ERBB4: variants seen among roughly 807,000 people sequenced by gnomAD.
ERBB4 encodes erb-b2 receptor tyrosine kinase 4, also known as receptor tyrosine-protein kinase erbB-4.
Under a neutral mutation model 158.0 loss-of-function variants are expected in ERBB4, and 42 were observed. That is an observed-to-expected ratio of 0.27 (90% CI 0.21 to 0.34). The LOEUF (loss-of-function observed/expected upper bound fraction) is 0.34, where lower values mean the gene tolerates loss of function less well. Among genes scored for constraint, ERBB4 ranks in the 10% least tolerant of loss-of-function variants. The pLI is 1.00. For missense variants in ERBB4, 1,333 were observed against 1,624.1 expected, an observed-to-expected ratio of 0.82 and a Z score of 3.08; for synonymous variants, 583 against 558.7, an observed-to-expected ratio of 1.04 and a Z score of -0.61.
In ERBB4 at chr2:211,769,054, A is replaced by C. The variant is rs540387086; in HGVS notation, c.557-18350T>G. On this transcript the variant is annotated intron_variant, in intron 4 of 27. Coordinates refer to ENST00000342788, the MANE Select transcript of ERBB4 (RefSeq NM_005235.3). ...ATGCCTTTAGCAGCACCCTAGTCATATCTTGAATGCTTTGCTGTTTAGAAA... is the reference window on the plus strand; with the variant it reads ...ATGCCTTTAGCAGCACCCTAGTCATCTCTTGAATGCTTTGCTGTTTAGAAA... 3.6e-3 allele frequency among the ~76,000 whole-genome samples: 553 copies of C among 152,306 alleles called. 3 individuals carry two copies. Among genetic ancestry groups the C allele is most frequent in the South Asian group, 7.5e-3 (36 of 4,828 alleles).
chr2:212,372,713 C>A (rs987284791), intron 1 of ERBB4, among the ~76,000 whole-genome samples: 1 of 152,198 alleles, frequency 6.6e-6, no homozygotes, highest in Non-Finnish European at 1.5e-5. Flanking sequence ...TGCACCACTG[C>A]ACTCCAGCCT....
intron 19 of ERBB4, among the ~76,000 whole-genome samples, chr2:211,617,947 G>GA (rs2069455717): frequency 6.6e-6 from 1 of 151,968 alleles, no homozygotes; most frequent in Non-Finnish European, 1.5e-5. Flanking sequence ...TATTGAATGT[G>GA]AAAAAATAAC....
chr2:211,734,189 G>A (rs898059718), intron 5 of ERBB4, among the ~76,000 whole-genome samples: 1 of 151,948 alleles, frequency 6.6e-6, no homozygotes, highest in African/African-American at 2.4e-5. Context: ...ATACCATCAA[G>A]TCCAAATTTC....
intron 19 of ERBB4, among the ~76,000 whole-genome samples, chr2:211,608,583 T>C (rs1345770498): frequency 6.6e-6 from 1 of 152,182 alleles, no homozygotes; most frequent in Non-Finnish European, 1.5e-5. Flanking sequence ...TCTTTATAAT[T>C]TACAATTTTG....
intron 1 of ERBB4, among the ~76,000 whole-genome samples, chr2:212,229,023 A>G (rs757738406): frequency 5.9e-5 from 9 of 152,206 alleles, no homozygotes; most frequent in Non-Finnish European, 1.3e-4. Context: ...GGGCAGCATG[A>G]GCTCTGTGTA....
intron 1 of ERBB4, among the ~76,000 whole-genome samples, chr2:212,319,401 GTGTT>G (rs1290545240): frequency 1.3e-5 from 2 of 150,270 alleles, no homozygotes; most frequent in African/African-American, 2.4e-5. Flanking sequence ...TGTTATTTTT[GTGTT>G]TGTTTATCTT....
chr2:211,385,432 C>A (rs547121789), intron 27 of ERBB4, among the ~76,000 whole-genome samples: 11 of 152,208 alleles, frequency 7.2e-5, no homozygotes, highest in African/African-American at 2.6e-4. Flanking sequence ...TCTTCTTATT[C>A]TACTGCACTG....
chr2:211,658,175 A>G lies in ERBB4; in HGVS notation c.1872-347T>C, dbSNP rs566693474. Reference sequence around the variant, plus strand: ...ACACAGAAATGAATTGCCATTATCAACTAAGTGGGATGCAAAGAAATGTCC... The same window carrying G: ...ACACAGAAATGAATTGCCATTATCAGCTAAGTGGGATGCAAAGAAATGTCC... On this transcript the variant is annotated intron_variant, in intron 15 of 27. Transcript: ENST00000342788. Among the ~76,000 whole-genome samples, 17 of 152,346 alleles carry G rather than the reference A, an allele frequency of 1.1e-4. No individual in the cohort carries two copies. In the South Asian group the frequency reaches 3.5e-3, roughly 32 times the overall value.
intron 2 of ERBB4, among the ~76,000 whole-genome samples, chr2:212,077,788 T>A (rs915927007): frequency 1.3e-5 from 2 of 152,122 alleles, no homozygotes; most frequent in Admixed American, 6.6e-5. Context: ...CAGTTATTTT[T>A]AAAAATGAAA....
intron 19 of ERBB4, among the ~76,000 whole-genome samples, chr2:211,607,888 T>TTTTTC (rs35895749): frequency 5.0e-5 from 6 of 118,864 alleles, no homozygotes; most frequent in East Asian, 2.5e-4. Flanking sequence ...TTTTTTTTTT[T>TTTTTC]AGACAGGGTC....
intron 2 of ERBB4, among the ~76,000 whole-genome samples, chr2:212,097,032 A>G (rs908897609): frequency 6.6e-6 from 1 of 152,222 alleles, no homozygotes; most frequent in Non-Finnish European, 1.5e-5. Flanking sequence ...ATTGCATTTC[A>G]TTTGGACAAA....
At chr2:212,024,926 T>G (rs889325377) in intron 2 of ERBB4, among the ~76,000 whole-genome samples, 3 of 151,870 alleles carry the variant, frequency 2.0e-5, no homozygotes, top group Non-Finnish European at 4.4e-5. Context: ...TTCCTTGATG[T>G]GTGATATTCA....
chr2:212,380,247 T>C (rs1182962700), intron 1 of ERBB4, among the ~76,000 whole-genome samples: 1 of 151,308 alleles, frequency 6.6e-6, no homozygotes, highest in Non-Finnish European at 1.5e-5. Context: ...ATATGTACAG[T>C]CTTCTATTTC....
At chr2:212,457,192 G>A (rs902672684) in intron 1 of ERBB4, among the ~76,000 whole-genome samples, 3 of 151,940 alleles carry the variant, frequency 2.0e-5, no homozygotes, top group African/African-American at 7.2e-5. Context: ...GGCTAATAGA[G>A]ACAGGTGTTG....
At chr2:212,320,425 AAC>A (rs2087511803) in intron 1 of ERBB4, among the ~76,000 whole-genome samples, 1 of 149,126 alleles carries the variant, frequency 6.7e-6, no homozygotes, top group Non-Finnish European at 1.5e-5. Flanking sequence ...GTTCCTTCTT[AAC>A]ACTCCATAGG....
intron 1 of ERBB4, among the ~76,000 whole-genome samples, chr2:212,528,811 AAG>A (rs1233037632): frequency 2.6e-5 from 4 of 152,138 alleles, no homozygotes; most frequent in Admixed American, 6.6e-5. Flanking sequence ...AAGAGCAACT[AAG>A]AGAATCCCCA....
chr2:212,385,112 T>C (rs944021231), intron 1 of ERBB4, among the ~76,000 whole-genome samples: 2 of 151,566 alleles, frequency 1.3e-5, no homozygotes, highest in African/African-American at 4.8e-5. Flanking sequence ...TTATTGCAAA[T>C]AAACGGCTTA....
intron 25 of ERBB4, among the ~76,000 whole-genome samples, chr2:211,420,089 G>T (rs115407320): frequency 0.012 from 1,768 of 152,112 alleles, 37 homozygotes; most frequent in African/African-American, 0.04. Flanking sequence ...AAGAAAAGTA[G>T]AAAGCCTACT....
At chr2:211,466,351 A>ATTTTT (rs1559196625) in intron 20 of ERBB4, among the ~76,000 whole-genome samples, 2 of 98,962 alleles carry the variant, frequency 2.0e-5, no homozygotes, top group African/African-American at 8.1e-5. Flanking sequence ...TTTTTTTTTA[A>ATTTTT]AAAAAAAAAA....
Sources: allele counts gnomAD v4.1 joint callset (sites outside exome capture counted in the v4.1 genomes callset), GRCh38; gene constraint gnomAD v4.1.1; transcripts MANE v1.5; gene names NCBI Gene and HGNC (gene_info 2026-07-23, HGNC 2026-07-21).